The following PDLIM5 variants were observed in gnomAD, a reference collection of about 807,000 sequenced individuals.
PDLIM5 encodes PDZ and LIM domain 5.
A neutral mutation model predicts 64.2 loss-of-function variants in PDLIM5; 34 were observed. The observed-to-expected ratio is 0.53, with a 90% CI of 0.40 to 0.71. PDLIM5 has a LOEUF of 0.71. Ranked by LOEUF, PDLIM5 falls within the 30% of genes least tolerant of loss-of-function variation. The probability of loss-of-function intolerance (pLI) is 0.00; values close to 1 mark genes in which losing one functional copy is unlikely to be tolerated. For missense variants in PDLIM5, 683 were observed against 733.6 expected, an observed-to-expected ratio of 0.93 and a Z score of 0.80; for synonymous variants, 253 against 269.1, an observed-to-expected ratio of 0.94 and a Z score of 0.59.
intron 2 of PDLIM5, among the ~76,000 whole-genome samples, chr4:94,515,061 C>A (rs901494551): frequency 4.6e-5 from 7 of 152,050 alleles, no homozygotes; most frequent in African/African-American, 1.7e-4. Flanking sequence ...TGACTAAATA[C>A]CTTTGATTTG....
At chr4:94,465,612 T>C (rs975438495) in intron 2 of PDLIM5, among the ~76,000 whole-genome samples, 2 of 152,122 alleles carry the variant, frequency 1.3e-5, no homozygotes, top group Non-Finnish European at 2.9e-5. Flanking sequence ...GGTTTCACCA[T>C]GTTGGCTAGG....
intron 8 of PDLIM5, among the ~76,000 whole-genome samples, chr4:94,619,809 G>T (rs1739081677): frequency 6.6e-6 from 1 of 151,996 alleles, no homozygotes; most frequent in Non-Finnish European, 1.5e-5. Flanking sequence ...TTCTGGTAGA[G>T]GTGGAATATC....
chr4:94,526,738 C>T (rs3133151), intron 3 of PDLIM5, among the ~76,000 whole-genome samples: 90,270 of 148,516 alleles, frequency 0.61, 29,703 homozygotes, highest in African/African-American at 0.88. Context: ...TTCTTTCTTT[C>T]TTTTTTTTTT....
At chr4:94,604,752 G>A (rs1737780026) in intron 7 of PDLIM5, among the ~76,000 whole-genome samples, 1 of 152,220 alleles carries the variant, frequency 6.6e-6, no homozygotes. Flanking sequence ...GAATATGCAA[G>A]ATGAAAAACT....
At position 94,523,840 on chromosome 4, in the gene PDLIM5, G is replaced by A; in HGVS notation, c.213G>A (p.Lys71=). 6.2e-7 allele frequency: 1 copy of A among 1,613,396 alleles called. No individual in the cohort carries two copies. The highest frequency in any genetic ancestry group is 8.5e-7 in the Non-Finnish European group (1 of 1,179,432). ...ATCTTGAAGCCCAGAATAAGATTAAGGGTTGTACAGGCTCTTTGAATATGA... is the reference window on the plus strand; with the variant it reads ...ATCTTGAAGCCCAGAATAAGATTAAAGGTTGTACAGGCTCTTTGAATATGA... ...MTHLEAQNKI[K]GCTGSLNMTL... Residue 71 remains lysine (K), a synonymous_variant, in exon 3 of 13, where the codon AAG becomes AAA. Coordinates refer to ENST00000317968, the MANE Select transcript of PDLIM5 (RefSeq NM_006457.5).
intron 2 of PDLIM5, among the ~76,000 whole-genome samples, chr4:94,473,611 G>A (rs1430157776): frequency 6.6e-6 from 1 of 152,192 alleles, no homozygotes; most frequent in African/African-American, 2.4e-5. Flanking sequence ...TAAATCCTGT[G>A]CTATGGTTTG....
chr4:94,468,517 CCTAGT>C (rs1166163487), intron 2 of PDLIM5, among the ~76,000 whole-genome samples: 15 of 152,108 alleles, frequency 9.9e-5, no homozygotes, highest in Admixed American at 2.0e-4. Flanking sequence ...GAAAACTAAA[CCTAGT>C]CTGTGCTCTG....
intron 5 of PDLIM5, among the ~76,000 whole-genome samples, chr4:94,576,630 TAGAA>T (rs1735287228): frequency 6.6e-6 from 1 of 152,260 alleles, no homozygotes; most frequent in South Asian, 2.1e-4. Flanking sequence ...AAGGCACGCT[TAGAA>T]AGCATTAGAA....
Position 94,575,668 on chromosome 4 carries a change from C to T in PDLIM5, c.344C>T (p.Ser115Phe). 3.1e-6 allele frequency: 5 copies of T among 1,611,516 alleles called. No individual in the cohort carries two copies. The highest frequency in any genetic ancestry group is 4.2e-6 in the Non-Finnish European group (5 of 1,178,466). The change falls in exon 5 of 13, where the codon TCC (serine) becomes TTC (phenylalanine). Residue 115 changes from serine (S) to phenylalanine (F), a missense_variant. Transcript: ENST00000317968. The stretch of plus-strand genomic sequence containing the variant: ...GTGCCCATTACATCTCCTGCTGTGT[C>T]CAAAGTCACTTCCACAAACAACATG... ...KPVPITSPAV[S>F]KVTSTNNMAY...
intron 3 of PDLIM5, among the ~76,000 whole-genome samples, chr4:94,535,528 G>A (rs76422394): frequency 9.9e-4 from 150 of 152,192 alleles, no homozygotes; most frequent in African/African-American, 3.5e-3. Context: ...TCAAAAAGAC[G>A]CCTTCCTTGC....
At chr4:94,479,598 T>C (rs1051965025) in intron 2 of PDLIM5, among the ~76,000 whole-genome samples, 20 of 152,126 alleles carry the variant, frequency 1.3e-4, no homozygotes, top group Non-Finnish European at 2.5e-4. Flanking sequence ...CCCAAAGTGC[T>C]GAGATTACAG....
chr4:94,511,096 G>T (rs933878010), intron 2 of PDLIM5, among the ~76,000 whole-genome samples: 1 of 152,140 alleles, frequency 6.6e-6, no homozygotes, highest in Non-Finnish European at 1.5e-5. Context: ...GCGGAATGAG[G>T]CCAGAGATAT....
chr4:94,460,662 A>G (rs115484117), intron 2 of PDLIM5, among the ~76,000 whole-genome samples: 40 of 151,996 alleles, frequency 2.6e-4, no homozygotes, highest in Non-Finnish European at 4.4e-4. Flanking sequence ...ATAGCACTTT[A>G]GACCTTGGGA....
chr4:94,457,079 T>TAC, intron 2 of PDLIM5: 9 of 857,230 alleles, frequency 1.0e-5, no homozygotes, highest in Non-Finnish European at 1.3e-5. Flanking sequence ...TAAATATATA[T>TAC]ACACACACAT....
chr4:94,594,322 G>A (rs1736898249), intron 7 of PDLIM5, among the ~76,000 whole-genome samples: 1 of 152,066 alleles, frequency 6.6e-6, no homozygotes, highest in African/African-American at 2.4e-5. Context: ...TGAAGAGCAT[G>A]GTGATTCCCA....
intron 3 of PDLIM5, among the ~76,000 whole-genome samples, chr4:94,560,466 G>C (rs1380730831): frequency 6.6e-6 from 1 of 152,142 alleles, no homozygotes; most frequent in East Asian, 1.9e-4. Context: ...AATAAGTCTG[G>C]TGAGGTAGCT....
intron 5 of PDLIM5, chr4:94,579,620 A>G: frequency 1.6e-6 from 1 of 637,092 alleles, no homozygotes; most frequent in South Asian, 2.9e-5. Flanking sequence ...TGCAAAATTA[A>G]GTTAAATTTT....
At position 94,667,431 on chromosome 4, in the gene PDLIM5, ATATAG is replaced by A. The variant is rs1255110528; in HGVS notation, c.*3369_*3373del. 6.6e-6 allele frequency: 1 copy of A among 152,206 alleles called. No individual in the cohort carries two copies. The highest frequency in any genetic ancestry group is 1.5e-5 in the Non-Finnish European group (1 of 68,034). The allele number at this position is 152,206 out of a possible 1,614,324, so 9.4% of individuals were successfully genotyped here. The stretch of plus-strand genomic sequence containing the variant: ...ACAAACTTTTTTTTGTCATTAAACA[ATATAG>A]TATAACAACTATTTACAAAGCATTT... On this transcript the variant is annotated 3_prime_UTR_variant, in exon 13 of 13. Transcript: ENST00000317968.
intron 2 of PDLIM5, among the ~76,000 whole-genome samples, chr4:94,471,932 A>G (rs969280871): frequency 1.3e-5 from 2 of 152,136 alleles, no homozygotes; most frequent in African/African-American, 4.8e-5. Flanking sequence ...CAAAGACCTT[A>G]TAAGTATTTG....
Sources: gnomAD v4.1 joint callset for allele counts (sites outside exome capture counted in the v4.1 genomes callset) on GRCh38, gnomAD v4.1.1 for gene constraint, MANE v1.5 for transcripts, NCBI Gene and HGNC (gene_info 2026-07-23, HGNC 2026-07-21) for gene names.